Variants in TEX36 observed in about 807,000 individuals in gnomAD.
TEX36 encodes the protein testis expressed 36, also known as testis-expressed protein 36.
In TEX36, 12 loss-of-function variants were observed where a neutral mutation model predicts 13.6. The observed-to-expected ratio is 0.88, with a 90% CI of 0.56 to 1.43. The LOEUF (loss-of-function observed/expected upper bound fraction) is 1.43, where lower values mean the gene tolerates loss of function less well. TEX36 is among the 40% of genes most tolerant of loss of function. The pLI, the probability that TEX36 is intolerant of heterozygous loss-of-function variation, is 0.00. For missense variants in TEX36, 224 were observed against 228.3 expected, an observed-to-expected ratio of 0.98 and a Z score of 0.12; for synonymous variants, 93 against 83.0, an observed-to-expected ratio of 1.12 and a Z score of -0.65.
At chr10:125,588,252 C>T (rs528865629) in intron 3 of TEX36, among the ~76,000 whole-genome samples, 1 of 152,318 alleles carries the variant, frequency 6.6e-6, no homozygotes, top group East Asian at 1.9e-4. Flanking sequence ...AGTCCCTCAC[C>T]TTCATCTCAG....
At chr10:125,580,874 C>T (rs529874658) in intron 3 of TEX36, among the ~76,000 whole-genome samples, 18 of 152,268 alleles carry the variant, frequency 1.2e-4, no homozygotes, top group East Asian at 5.8e-4. Context: ...CTGGGACTTT[C>T]CTGCCTGGAG....
At chr10:125,579,841 C>G (rs1170194661) in intron 3 of TEX36, among the ~76,000 whole-genome samples, 1 of 152,130 alleles carries the variant, frequency 6.6e-6, no homozygotes, top group African/African-American at 2.4e-5. Context: ...GCCTCCCCAG[C>G]CATGCTTCCT....
At chr10:125,592,160 A>T (rs1014989207) in intron 3 of TEX36, among the ~76,000 whole-genome samples, 5 of 152,162 alleles carry the variant, frequency 3.3e-5, no homozygotes, top group African/African-American at 1.2e-4. Flanking sequence ...GAAATGCCCA[A>T]CTTTTTTGGA....
chr10:125,618,573 G>C (rs1309316167), downstream of TEX36, among the ~76,000 whole-genome samples: 6 of 152,006 alleles, frequency 3.9e-5, no homozygotes, highest in Admixed American at 6.6e-5. Context: ...GCCCCTGCTG[G>C]GGGGTGCCTC....
At chr10:125,587,074 C>A (rs967885265) in intron 3 of TEX36, among the ~76,000 whole-genome samples, 1 of 152,160 alleles carries the variant, frequency 6.6e-6, no homozygotes, top group Non-Finnish European at 1.5e-5. Context: ...CCTTCCATCA[C>A]GATTGTAAGT....
intron 3 of TEX36, among the ~76,000 whole-genome samples, chr10:125,629,443 T>G (rs1313792285): frequency 6.6e-6 from 1 of 152,212 alleles, no homozygotes; most frequent in African/African-American, 2.4e-5. Flanking sequence ...GTGTAATTGC[T>G]TCTTTTTTCA....
At chr10:125,664,510 G>A (rs562907487) in intron 1 of TEX36, among the ~76,000 whole-genome samples, 1 of 152,258 alleles carries the variant, frequency 6.6e-6, no homozygotes, top group African/African-American at 2.4e-5. Context: ...CAGAAGAGGC[G>A]CCTGGTGGGA....
At chr10:125,610,122 T>C (rs1274092052) in intron 3 of TEX36, among the ~76,000 whole-genome samples, 1 of 152,216 alleles carries the variant, frequency 6.6e-6, no homozygotes, top group Non-Finnish European at 1.5e-5. Context: ...TGGGGAACCC[T>C]CAGAGAATTC....
intron 3 of TEX36, among the ~76,000 whole-genome samples, chr10:125,595,727 C>G (rs1357970177): frequency 6.6e-6 from 1 of 152,176 alleles, no homozygotes; most frequent in Non-Finnish European, 1.5e-5. Context: ...AGCCTCTGCT[C>G]AAATGCCACC....
At chr10:125,607,345 C>T (rs1333923026) in intron 3 of TEX36, among the ~76,000 whole-genome samples, 2 of 152,174 alleles carry the variant, frequency 1.3e-5, no homozygotes, top group Admixed American at 6.5e-5. Flanking sequence ...TTGGTTTATC[C>T]AAAAGGTCTA....
chr10:125,591,816 T>C (rs1846024801), intron 3 of TEX36, among the ~76,000 whole-genome samples: 1 of 152,136 alleles, frequency 6.6e-6, no homozygotes, highest in Non-Finnish European at 1.5e-5. Context: ...CGTCAACTTT[T>C]CTTTGTTGAA....
intron 3 of TEX36, among the ~76,000 whole-genome samples, chr10:125,629,371 C>T (rs566590255): frequency 1.3e-5 from 2 of 152,278 alleles, no homozygotes; most frequent in African/African-American, 4.8e-5. Context: ...ATTTACCCAA[C>T]GAATTACTTC....
At chr10:125,677,037 GACC>G in intron 1 of TEX36, among the ~76,000 whole-genome samples, 1 of 152,256 alleles carries the variant, frequency 6.6e-6, no homozygotes, top group African/African-American at 2.4e-5. Context: ...ATTGTCTTAT[GACC>G]TGTAAGGTTT....
At chr10:125,582,171 G>A (rs971857953) in intron 3 of TEX36, among the ~76,000 whole-genome samples, 10 of 152,200 alleles carry the variant, frequency 6.6e-5, no homozygotes, top group Non-Finnish European at 1.2e-4. Flanking sequence ...CCGCAGGGGT[G>A]GGGTGGAGTG....
chr10:125,670,268 CT>C (rs1289072529), intron 1 of TEX36, among the ~76,000 whole-genome samples: 1 of 152,134 alleles, frequency 6.6e-6, no homozygotes, highest in African/African-American at 2.4e-5. Context: ...TGTTTCTTGA[CT>C]TTTTAATAAT....
At chr10:125,649,058 T>G (rs1224791562) in intron 3 of TEX36, among the ~76,000 whole-genome samples, 1 of 152,054 alleles carries the variant, frequency 6.6e-6, no homozygotes, top group Admixed American at 6.6e-5. Flanking sequence ...ACAGGGAGAA[T>G]GGAACCAACT....
At chr10:125,650,943 C>A (rs1438267238), downstream of TEX36, among the ~76,000 whole-genome samples, 11 of 152,104 alleles carry the variant, frequency 7.2e-5, no homozygotes, top group Admixed American at 7.2e-4. Context: ...CAAGACTAAA[C>A]CAAGAAGAAG....
At chr10:125,658,498 T>G (rs1399917350) in intron 3 of TEX36, among the ~76,000 whole-genome samples, 1 of 152,036 alleles carries the variant, frequency 6.6e-6, no homozygotes, top group Non-Finnish European at 1.5e-5. Flanking sequence ...GACAAGGATA[T>G]GAAAGATTTA....
downstream of TEX36, among the ~76,000 whole-genome samples, chr10:125,653,170 A>G (rs1846889038): frequency 6.6e-6 from 1 of 152,192 alleles, no homozygotes; most frequent in South Asian, 2.1e-4. Flanking sequence ...TCATGCTGCT[A>G]TAAAGACACA....
Sources: gnomAD v4.1 joint callset for allele counts (sites outside exome capture counted in the v4.1 genomes callset) on GRCh38, gnomAD v4.1.1 for gene constraint, MANE v1.5 for transcripts, NCBI Gene and HGNC (gene_info 2026-07-23, HGNC 2026-07-21) for gene names.